DDI2: variants seen among roughly 807,000 people sequenced by gnomAD.
The protein encoded by DDI2 is DDI proteasomal shuttling factor 2.
Under a neutral mutation model 48.1 loss-of-function variants are expected in DDI2, and 5 were observed. The observed-to-expected ratio is 0.10, with a 90% CI of 0.05 to 0.22. The LOEUF (loss-of-function observed/expected upper bound fraction) is 0.22. Ranked by LOEUF, DDI2 falls within the 10% of genes least tolerant of loss-of-function variation. The pLI, the probability that DDI2 is intolerant of heterozygous loss-of-function variation, is 1.00. For missense variants in DDI2, 285 were observed against 506.2 expected, an observed-to-expected ratio of 0.56 and a Z score of 4.19; for synonymous variants, 205 against 183.6, an observed-to-expected ratio of 1.12 and a Z score of -0.94.
At chr1:15,649,226 T>C (rs1002906303) in intron 6 of DDI2, among the ~76,000 whole-genome samples, 1 of 151,728 alleles carries the variant, frequency 6.6e-6, no homozygotes, top group Non-Finnish European at 1.5e-5. Flanking sequence ...TAGCTGGGCG[T>C]GGTGGTGCGT....
chr1:15,644,085 C>T (rs1167621467), intron 6 of DDI2, among the ~76,000 whole-genome samples: 3 of 152,088 alleles, frequency 2.0e-5, no homozygotes, highest in Non-Finnish European at 2.9e-5. Flanking sequence ...TCCTGTTTTT[C>T]TTACTTGGTT....
Position 15,638,385 on chromosome 1 carries a change from T to C in DDI2, c.711T>C (p.Tyr237=). 3 of 1,614,082 alleles carry C rather than the reference T, an allele frequency of 1.9e-6. No individual in the cohort carries two copies. The highest frequency in any genetic ancestry group is 2.2e-5 in the East Asian group (1 of 44,884). The change falls in exon 5 of 10, where the codon TAT becomes TAC. Residue 237 remains tyrosine (Y), a synonymous_variant. Transcript: ENST00000480945. The part of the protein sequence containing the change: ...PESFGQVVML[Y]INCKVNGHPV... ...GTTTTGGCCAAGTAGTGATGCTTTA[T>C]ATTAACTGCAAAGTGAATGGACATC...
rs770750343 is a variant in DDI2 at position 15,633,564 on chromosome 1, A to T, written c.631A>T (p.Arg211Trp). The stretch of plus-strand genomic sequence containing the variant: ...TCAGGCAAAGATAGAAGAAGATATA[A>T]GGTAAAGACCTGTTCATCTAAAGAA... Reference protein sequence around the residue: ...EAQAKIEEDIRQQNIEENMTI... With the variant: ...EAQAKIEEDIWQQNIEENMTI... Residue 211 changes from arginine (R) to tryptophan (W), a missense_variant and splice_region_variant, in exon 4 of 10, where the codon AGG becomes TGG. Transcript: ENST00000480945. 6.2e-7 allele frequency: 1 copy of T among 1,612,344 alleles called. No homozygotes were observed. The highest frequency in any genetic ancestry group is 8.5e-7 in the Non-Finnish European group (1 of 1,178,820).
chr1:15,633,277 C>CA (rs1639875934), intron 3 of DDI2, among the ~76,000 whole-genome samples, 162 bp from the exon 4 acceptor site: 1 of 152,080 alleles, frequency 6.6e-6, no homozygotes, highest in African/African-American at 2.4e-5. Flanking sequence ...AGCCTTGACT[C>CA]AGAGAACAGA....
At position 15,651,593 on chromosome 1, in the gene DDI2, A is replaced by G. The variant is rs142523543; in HGVS notation, c.994-113A>G. The G allele has an allele frequency of 2.0e-3, 1,970 of 977,182 alleles. 34 individuals carry two copies. The African/African-American group carries it at 0.026, about 13-fold the overall frequency. The allele number at this position is 977,182 out of a possible 1,614,324, so 60.5% of individuals were successfully genotyped here. A position where few individuals can be genotyped will look rare whatever the true frequency, so the allele number is the denominator to read the frequency against. On this transcript the variant is annotated intron_variant, in intron 7 of 9. Transcript: ENST00000480945. ...CTCAGCCTCCCAAAGTGCTGGGATTACAGGCATGAGTCACCGTGCCTGGCC... is the reference window on the plus strand; with the variant it reads ...CTCAGCCTCCCAAAGTGCTGGGATTGCAGGCATGAGTCACCGTGCCTGGCC...
In DDI2 at chr1:15,641,556, A is replaced by G. The variant is rs542878458; in HGVS notation, c.761-1966A>G. ...CTGTACCCCTAAGGGTCACAACAAT[A>G]TCCTTGCTTTAAATTACGCATCCAC... On this transcript the variant is annotated intron_variant, in intron 5 of 9. Coordinates refer to ENST00000480945, the MANE Select transcript of DDI2 (RefSeq NM_032341.5). 2.6e-5 allele frequency among the ~76,000 whole-genome samples: 4 copies of G among 152,286 alleles called. No homozygotes were observed. The South Asian group carries it at 8.3e-4, about 32-fold the overall frequency.
rs1298349650 is a variant in DDI2 at position 15,630,322 on chromosome 1, C to T, written c.269-3C>T. The T allele has an allele frequency of 6.2e-7, 1 of 1,613,758 alleles. No individual in the cohort carries two copies. The highest frequency in any genetic ancestry group is 1.7e-5 in the Admixed American group (1 of 59,998). On this transcript the variant is annotated splice_polypyrimidine_tract_variant and splice_region_variant and intron_variant, in intron 2 of 9. Coordinates refer to ENST00000480945, the MANE Select transcript of DDI2 (RefSeq NM_032341.5). The stretch of plus-strand genomic sequence containing the variant: ...AGTAAACTGAATTGATTTTCCCCAA[C>T]AGACTTACCCCGAATAGATTTCAGT...
intron 1 of DDI2, among the ~76,000 whole-genome samples, chr1:15,618,085 G>C (rs1429902536): frequency 1.3e-5 from 2 of 152,184 alleles, no homozygotes; most frequent in African/African-American, 2.4e-5. Flanking sequence ...CTGTTGAGCA[G>C]CGCTAACCCT....
intron 8 of DDI2, among the ~76,000 whole-genome samples, chr1:15,655,752 C>CAA (rs111602583): frequency 2.6e-5 from 3 of 115,914 alleles, no homozygotes; most frequent in Non-Finnish European, 5.5e-5. Context: ...GACTCCTTCT[C>CAA]AAAAAAAAAA....
intron 6 of DDI2, among the ~76,000 whole-genome samples, chr1:15,648,834 C>CAA (rs36082177): frequency 0.28 from 26,169 of 94,900 alleles, 3,053 homozygotes; most frequent in African/African-American, 0.37. Context: ...GACCCTGTCT[C>CAA]AAAAAAAAAA....
At chr1:15,644,079 G>GT (rs1196936585) in intron 6 of DDI2, among the ~76,000 whole-genome samples, 1 of 152,042 alleles carries the variant, frequency 6.6e-6, no homozygotes, top group Non-Finnish European at 1.5e-5. Flanking sequence ...TAATTGTCCT[G>GT]TTTTTCTTAC....
rs531370376 is a variant in DDI2, at chr1:15,623,055, C to T, written c.139-3614C>T. ...TTTTATTGTTAGATCATGCTGCCTT[C>T]CTTTAAAAAATGCTATTGTCTGCTG... On this transcript the variant is annotated intron_variant, in intron 1 of 9. Coordinates refer to ENST00000480945, the MANE Select transcript of DDI2 (RefSeq NM_032341.5). Among the ~76,000 whole-genome samples, 147 of 152,254 alleles carry T rather than the reference C, an allele frequency of 9.7e-4. 1 individual carries two copies. The highest frequency in any genetic ancestry group is 7.3e-3 in the South Asian group (35 of 4,826).
rs975389933 is a variant in DDI2 at position 15,667,394 on chromosome 1, A to G, written c.*7604A>G. ...AAAATGCACCAGTGACAGTCAGTCA[A>G]TCCATCAGACCACCTCACATGCAGG... On this transcript the variant is annotated 3_prime_UTR_variant, in exon 10 of 10. Transcript: ENST00000480945. The G allele has an allele frequency of 2.6e-5, 4 of 152,212 alleles. No individual in the cohort carries two copies. Among genetic ancestry groups the G allele is most frequent in the East Asian group, 1.9e-4 (1 of 5,194 alleles). The allele number at this position is 152,212 out of a possible 1,614,324, so 9.4% of individuals were successfully genotyped here.
Position 15,668,715 on chromosome 1 carries a change from G to A in DDI2, c.*8925G>A, listed in dbSNP as rs1245318888. The A allele has an allele frequency of 6.6e-6, 1 of 152,130 alleles. No individual in the cohort carries two copies. Among genetic ancestry groups the A allele is most frequent in the Non-Finnish European group, 1.5e-5 (1 of 68,030 alleles). The allele number at this position is 152,130 out of a possible 1,614,324, so 9.4% of individuals were successfully genotyped here. Reference sequence around the variant, plus strand: ...CTTAAAAGAAGAACTAGGCTGACTGGCAAAAAGTCTTGCCAGTGGCCCTGT... The same window carrying A: ...CTTAAAAGAAGAACTAGGCTGACTGACAAAAAGTCTTGCCAGTGGCCCTGT... On this transcript the variant is annotated 3_prime_UTR_variant, in exon 10 of 10. Coordinates refer to ENST00000480945, the MANE Select transcript of DDI2 (RefSeq NM_032341.5).
intron 3 of DDI2, among the ~76,000 whole-genome samples, chr1:15,632,299 G>A (rs978858313): frequency 9.9e-5 from 15 of 151,886 alleles, no homozygotes; most frequent in African/African-American, 3.1e-4. Context: ...AAAATAGGCC[G>A]GGCACGGTGG....
intron 6 of DDI2, among the ~76,000 whole-genome samples, chr1:15,646,926 A>G (rs949160640): frequency 6.6e-6 from 1 of 152,206 alleles, no homozygotes; most frequent in Non-Finnish European, 1.5e-5. Flanking sequence ...ATCAACCACC[A>G]GTATCATTTG....
At chr1:15,620,149 ATATAGAAACTTGGGCTCCAACTGGTG>A (rs1639634908) in intron 1 of DDI2, among the ~76,000 whole-genome samples, 1 of 152,194 alleles carries the variant, frequency 6.6e-6, no homozygotes, top group Non-Finnish European at 1.5e-5. Context: ...CCAAATTAGC[ATATAGAAACTTGGGCTCCAACTGGTG>A]TTAAGCCTGT....
rs371110504 is a variant in DDI2 at position 15,660,927 on chromosome 1, G to A, written c.*1137G>A. 14 of 1,613,104 alleles carry A rather than the reference G, an allele frequency of 8.7e-6. No individual in the cohort carries two copies. The highest frequency in any genetic ancestry group is 2.2e-5 in the East Asian group (1 of 44,892). Reference sequence around the variant, plus strand: ...CAGAAGAATCTTGCCCGTCTATAACGGCAGCCTTGAAAGAACTTCATGAAC... The same window carrying A: ...CAGAAGAATCTTGCCCGTCTATAACAGCAGCCTTGAAAGAACTTCATGAAC... On this transcript the variant is annotated 3_prime_UTR_variant, in exon 10 of 10. Transcript: ENST00000480945.
chr1:15,640,761 G>T (rs1221057609), intron 5 of DDI2, among the ~76,000 whole-genome samples: 1 of 152,160 alleles, frequency 6.6e-6, no homozygotes, highest in Non-Finnish European at 1.5e-5. Context: ...GGGCCTTTTT[G>T]AATCTAATCT....
Sources: gnomAD v4.1 joint callset for allele counts (sites outside exome capture counted in the v4.1 genomes callset) on GRCh38, gnomAD v4.1.1 for gene constraint, MANE v1.5 for transcripts, NCBI Gene and HGNC (gene_info 2026-07-23, HGNC 2026-07-21) for gene names.